The following WWOX variants were observed in gnomAD, a reference collection of about 807,000 sequenced individuals.
WWOX encodes WW domain containing oxidoreductase.
WWOX carries 69 observed loss-of-function variants against 46.2 expected under a neutral mutation model. The observed-to-expected ratio is 1.49, with a 90% CI of 1.23 to 1.82. The LOEUF is 1.82. Among genes scored for constraint, WWOX ranks in the 40% most tolerant of loss-of-function variants. WWOX has a pLI of 0.00. For missense variants in WWOX, 919 were observed against 542.6 expected, an observed-to-expected ratio of 1.69 and a Z score of -6.89; for synonymous variants, 359 against 202.6, an observed-to-expected ratio of 1.77 and a Z score of -6.56.
At chr16:78,780,704 C>T (rs1053535441) in intron 8 of WWOX, among the ~76,000 whole-genome samples, 13 of 152,060 alleles carry the variant, frequency 8.5e-5, no homozygotes, top group Admixed American at 5.9e-4. Context: ...GCAAGGTGAA[C>T]GGAAGTGCAG....
intron 5 of WWOX, among the ~76,000 whole-genome samples, chr16:78,333,834 A>G (rs1847204338): frequency 1.3e-5 from 2 of 152,178 alleles, no homozygotes; most frequent in African/African-American, 2.4e-5. Flanking sequence ...TAGTTAATCC[A>G]TTTAAGAAGT....
intron 4 of WWOX, among the ~76,000 whole-genome samples, chr16:78,154,636 G>C (rs1446536186): frequency 6.6e-6 from 1 of 151,890 alleles, no homozygotes; most frequent in Non-Finnish European, 1.5e-5. Context: ...TGCACCATGG[G>C]TTCAAGCTCC....
At chr16:78,607,082 G>C (rs1289287107) in intron 8 of WWOX, among the ~76,000 whole-genome samples, 2 of 152,130 alleles carry the variant, frequency 1.3e-5, no homozygotes, top group African/African-American at 2.4e-5. Context: ...GGCTGTGGAA[G>C]AGTTGCCAGA....
chr16:78,871,221 G>A (rs1465394902), intron 8 of WWOX, among the ~76,000 whole-genome samples: 3 of 150,576 alleles, frequency 2.0e-5, no homozygotes, highest in African/African-American at 4.9e-5. Context: ...AACCCCCGCT[G>A]CTGTCCTAAG....
chr16:78,432,388 G>T (rs967235649), intron 7 of WWOX, 100 bp from the exon 8 acceptor site: 1 of 1,497,016 alleles, frequency 6.7e-7, no homozygotes, highest in Non-Finnish European at 9.2e-7. Context: ...TTACAGATGT[G>T]AGCCACTGCA....
At chr16:78,620,638 T>G (rs1209499947) in intron 8 of WWOX, among the ~76,000 whole-genome samples, 1 of 152,236 alleles carries the variant, frequency 6.6e-6, no homozygotes, top group Non-Finnish European at 1.5e-5. Context: ...GTCAGTGTAC[T>G]TCCTGCTTCT....
chr16:78,623,726 C>G (rs1323971991), intron 8 of WWOX, among the ~76,000 whole-genome samples: 1 of 93,510 alleles, frequency 1.1e-5, no homozygotes, highest in African/African-American at 4.3e-5. Context: ...CAGAGTCAGA[C>G]TCTGTCTCAA....
chr16:78,989,571 G>C (rs1303314979), intron 8 of WWOX, among the ~76,000 whole-genome samples: 1 of 152,170 alleles, frequency 6.6e-6, no homozygotes. Flanking sequence ...TGAACTGAAA[G>C]ACACAGAAAA....
At chr16:78,380,802 A>G (rs1345788537) in intron 5 of WWOX, among the ~76,000 whole-genome samples, 1 of 151,584 alleles carries the variant, frequency 6.6e-6, no homozygotes, top group African/African-American at 2.4e-5. Context: ...GCCCCAAACC[A>G]CCCCCTGAAA....
At chr16:78,822,421 G>C (rs1478709090) in intron 8 of WWOX, among the ~76,000 whole-genome samples, 2 of 152,198 alleles carry the variant, frequency 1.3e-5, no homozygotes, top group East Asian at 1.9e-4. Context: ...TTGAACCCAG[G>C]AGGCAGGGGT....
chr16:78,123,455 G>GTTTT (rs58409419), intron 4 of WWOX: 20 of 65,538 alleles, frequency 3.1e-4, no homozygotes, highest in African/African-American at 5.4e-4. Context: ...TTTTTTTTTT[G>GTTTT]TTTTTTTTTT....
intron 8 of WWOX, among the ~76,000 whole-genome samples, chr16:78,705,133 G>C (rs1299130887): frequency 6.6e-6 from 1 of 152,052 alleles, no homozygotes; most frequent in Non-Finnish European, 1.5e-5. Context: ...TAGAGAAAAG[G>C]CTGTGATTTT....
chr16:78,303,705 C>A (rs898125056), intron 5 of WWOX, among the ~76,000 whole-genome samples: 18 of 152,116 alleles, frequency 1.2e-4, no homozygotes, highest in Non-Finnish European at 1.2e-4. Flanking sequence ...CCACCATGCC[C>A]AGCTAATTGT....
In WWOX at chr16:78,313,681, G is replaced by A. The variant is rs541987775; in HGVS notation, c.517-73179G>A. The stretch of plus-strand genomic sequence containing the variant: ...GCGTCAGGCCTATTGTTTTTCCTAC[G>A]TACCGTGATTGCTTGCTTTCTTCTC... On this transcript the variant is annotated intron_variant, in intron 5 of 8. Transcript: ENST00000566780. Among the ~76,000 whole-genome samples, 17 of 152,166 alleles carry A rather than the reference G, an allele frequency of 1.1e-4. No individual in the cohort carries two copies. In the East Asian group the frequency reaches 2.5e-3, roughly 23 times the overall value.
chr16:79,008,202 C>A (rs2047227266), intron 8 of WWOX, among the ~76,000 whole-genome samples: 1 of 152,180 alleles, frequency 6.6e-6, no homozygotes, highest in Non-Finnish European at 1.5e-5. Flanking sequence ...AGGCTATTCT[C>A]AGGCTCTCAG....
At position 78,343,583 on chromosome 16, in the gene WWOX, A is replaced by G. The variant is rs2081050494; in HGVS notation, c.517-43277A>G. Among the ~76,000 whole-genome samples, 2 of 120,948 alleles carry G rather than the reference A, an allele frequency of 1.7e-5. 1 individual carries two copies. Among genetic ancestry groups the G allele is most frequent in the Non-Finnish European group, 4.0e-5 (2 of 50,632 alleles). 79.3% of individuals were successfully genotyped at this position (120,948 alleles called of 152,430 possible). ...TATGGCAAATCTAGTGCAGGTGCTG[A>G]GAGGCGGTAACTCTTTAAAGGGACA... On this transcript the variant is annotated intron_variant, in intron 5 of 8. Transcript: ENST00000566780.
chr16:79,151,317 G>A (rs1251942769), intron 8 of WWOX, among the ~76,000 whole-genome samples: 1 of 152,172 alleles, frequency 6.6e-6, no homozygotes, highest in Non-Finnish European at 1.5e-5. Context: ...GTGTGCTCCT[G>A]GAGGTCACTA....
At chr16:78,915,699 A>T (rs78180384) in intron 8 of WWOX, among the ~76,000 whole-genome samples, 10 of 37,786 alleles carry the variant, frequency 2.6e-4, no homozygotes, top group African/African-American at 4.9e-4. Flanking sequence ...AAAGCCATTT[A>T]AAAAAAAAAT....
chr16:78,360,845 C>T (rs771388537), intron 5 of WWOX, among the ~76,000 whole-genome samples: 9 of 150,476 alleles, frequency 6.0e-5, no homozygotes, highest in Non-Finnish European at 1.2e-4. Flanking sequence ...TTTTGAGACA[C>T]GGTCTCACTC....
Sources: gnomAD v4.1 joint callset for allele counts (sites outside exome capture counted in the v4.1 genomes callset) on GRCh38, gnomAD v4.1.1 for gene constraint, MANE v1.5 for transcripts, NCBI Gene and HGNC (gene_info 2026-07-23, HGNC 2026-07-21) for gene names.